PTPN14: variants seen among roughly 807,000 people sequenced by gnomAD.
PTPN14 encodes the protein tyrosine-protein phosphatase non-receptor type 14.
A neutral mutation model predicts 126.8 loss-of-function variants in PTPN14; 53 were observed. That is an observed-to-expected ratio of 0.42 (90% CI 0.34 to 0.53). The LOEUF is 0.53. PTPN14 is among the 20% of genes least tolerant of loss of function. The pLI, the probability that PTPN14 is intolerant of heterozygous loss-of-function variation, is 0.08. For missense variants in PTPN14, 1,257 were observed against 1,552.9 expected (o/e 0.81, Z 3.20); for synonymous variants, 630 against 599.3 (o/e 1.05, Z -0.75).
chr1:214,462,249 C>T (rs937035490), intron 2 of PTPN14, among the ~76,000 whole-genome samples: 53 of 152,166 alleles, frequency 3.5e-4, no homozygotes, highest in Non-Finnish European at 3.8e-4. Flanking sequence ...CTTGGCAATG[C>T]ACTGCTTTAT....
At chr1:214,460,081 G>A (rs1011692743) in intron 2 of PTPN14, among the ~76,000 whole-genome samples, 4 of 152,072 alleles carry the variant, frequency 2.6e-5, no homozygotes, top group Admixed American at 6.6e-5. Context: ...GGTTTGAACC[G>A]GCCTCACAAC....
At chr1:214,511,208 G>A (rs374234399) in intron 1 of PTPN14, among the ~76,000 whole-genome samples, 44 of 152,280 alleles carry the variant, frequency 2.9e-4, no homozygotes, top group African/African-American at 1.0e-3. Flanking sequence ...TCTGAAGTTA[G>A]GCTGAATGGA....
At chr1:214,494,775 T>TGAATGGAA (rs1176047205) in intron 1 of PTPN14, among the ~76,000 whole-genome samples, 1 of 152,094 alleles carries the variant, frequency 6.6e-6, no homozygotes, top group Non-Finnish European at 1.5e-5. Flanking sequence ...ACTACACTAC[T>TGAATGGAA]GAATGGAAGG....
chr1:214,383,842 G>T lies in PTPN14; in HGVS notation c.2013C>A (p.Leu671=), dbSNP rs761892420. ...CCTCCTCGGGCGGTCCCTGCTCCCGGAGCGTGTTGCGGCGAGCCATGGGGA... is the reference window on the plus strand; with the variant it reads ...CCTCCTCGGGCGGTCCCTGCTCCCGTAGCGTGTTGCGGCGAGCCATGGGGA... ...LHLPMARRNT[L]REQGPPEEGS... is the part of the protein sequence containing the mutation. The change falls in exon 13 of 19, where the codon CTC becomes CTA. Residue 671 remains leucine, a synonymous_variant. Coordinates refer to ENST00000366956, the MANE Select transcript of PTPN14 (RefSeq NM_005401.5). This position sits in a 1 kb window ranked among gnomAD's most constrained non-coding sequence, Gnocchi z 4.4. The T allele has an allele frequency of 3.1e-6, 5 of 1,612,478 alleles. No homozygotes were observed. The African/African-American group carries it at 4.0e-5, about 13-fold the overall frequency.
chr1:214,503,258 T>G (rs1334224725), intron 1 of PTPN14, among the ~76,000 whole-genome samples: 1 of 152,230 alleles, frequency 6.6e-6, no homozygotes, highest in African/African-American at 2.4e-5. Context: ...TCTTCAAAAC[T>G]AATATCTAAT....
chr1:214,483,440 C>T, intron 1 of PTPN14: 1 of 1,169,358 alleles, frequency 8.6e-7, no homozygotes, highest in Non-Finnish European at 1.3e-6. Flanking sequence ...GGAGCGGGCG[C>T]ACAAGCCTCG....
intron 18 of PTPN14, among the ~76,000 whole-genome samples, chr1:214,360,266 C>T (rs1657923790): frequency 6.6e-6 from 1 of 152,228 alleles, no homozygotes; most frequent in African/African-American, 2.4e-5. Flanking sequence ...TGCCATCAGT[C>T]ACTCTTGTTC....
At chr1:214,467,092 G>A (rs1030579876) in intron 1 of PTPN14, among the ~76,000 whole-genome samples, 1 of 152,100 alleles carries the variant, frequency 6.6e-6, no homozygotes, top group Non-Finnish European at 1.5e-5. Flanking sequence ...ATCACTTTAT[G>A]TTGGCAGAGT....
intron 3 of PTPN14, among the ~76,000 whole-genome samples, chr1:214,446,656 A>T (rs1454167808): frequency 6.6e-6 from 1 of 152,208 alleles, no homozygotes; most frequent in African/African-American, 2.4e-5. Flanking sequence ...TGGGGACAAC[A>T]AATTAAATAA....
At position 214,383,112 on chromosome 1, in the gene PTPN14, T is replaced by C. The variant is rs1658511532; in HGVS notation, c.2544+199A>G. Among the ~76,000 whole-genome samples, 1 of 152,234 alleles carries C rather than the reference T, an allele frequency of 6.6e-6. No homozygotes were observed. Among genetic ancestry groups the C allele is most frequent in the South Asian group, 2.1e-4 (1 of 4,832 alleles). On this transcript the variant is annotated intron_variant, in intron 13 of 18. Transcript: ENST00000366956. The surrounding 1 kb of genome is among the most constrained non-coding windows in gnomAD (Gnocchi z 4.4). Reference sequence around the variant, plus strand: ...CTCAATAACGTACCAAGTACACCTGTTAGAAGCCACAAATGAGAATGGAAG... The same window carrying C: ...CTCAATAACGTACCAAGTACACCTGCTAGAAGCCACAAATGAGAATGGAAG...
At chr1:214,468,548 C>T (rs1478115950) in intron 1 of PTPN14, among the ~76,000 whole-genome samples, 29 of 151,342 alleles carry the variant, frequency 1.9e-4, no homozygotes, top group Admixed American at 1.9e-3. Context: ...AGAGCAAAAA[C>T]TCTCAAAAAC....
At chr1:214,503,868 G>C (rs997153279) in intron 1 of PTPN14, among the ~76,000 whole-genome samples, 5 of 152,148 alleles carry the variant, frequency 3.3e-5, no homozygotes, top group Non-Finnish European at 5.9e-5. Context: ...ATTTATTTTA[G>C]ATCAAAGGTG....
chr1:214,533,011 A>G, intron 1 of PTPN14: 2 of 755,234 alleles, frequency 2.6e-6, no homozygotes, highest in Non-Finnish European at 4.8e-6. Flanking sequence ...TGAGGAGAGC[A>G]CCACAGTGGT....
chr1:214,470,025 TA>T (rs1660719489), intron 1 of PTPN14, among the ~76,000 whole-genome samples: 1 of 152,146 alleles, frequency 6.6e-6, no homozygotes, highest in African/African-American at 2.4e-5. Context: ...TTATAGAAAT[TA>T]AAGAAACTAT....
At chr1:214,404,642 A>T (rs1659119914) in intron 5 of PTPN14, among the ~76,000 whole-genome samples, 1 of 152,148 alleles carries the variant, frequency 6.6e-6, no homozygotes, top group African/African-American at 2.4e-5. Context: ...AACCGCCTCC[A>T]TCTGCACCTG....
chr1:214,399,368 G>C (rs973287547), intron 7 of PTPN14, among the ~76,000 whole-genome samples: 1 of 152,152 alleles, frequency 6.6e-6, no homozygotes, highest in Non-Finnish European at 1.5e-5. Context: ...CACATGTCCA[G>C]TTTAAGAGAC....
At chr1:214,478,255 T>C (rs556471708) in intron 1 of PTPN14, among the ~76,000 whole-genome samples, 4 of 152,342 alleles carry the variant, frequency 2.6e-5, no homozygotes, top group Non-Finnish European at 5.9e-5. Flanking sequence ...TTCAAGTACA[T>C]TTTGGCATAT....
At chr1:214,478,941 T>C (rs900901392) in intron 1 of PTPN14, among the ~76,000 whole-genome samples, 3 of 152,050 alleles carry the variant, frequency 2.0e-5, no homozygotes, top group African/African-American at 7.3e-5. Context: ...ACTCTCCCAT[T>C]ATCACATGGC....
chr1:214,376,051 C>T (rs1408764467), intron 15 of PTPN14, among the ~76,000 whole-genome samples, 168 bp downstream of exon 15: 3 of 152,146 alleles, frequency 2.0e-5, no homozygotes, highest in Non-Finnish European at 4.4e-5. Context: ...CAGTGATAGA[C>T]ATGCCCTTCC....
Sources: gnomAD v4.1 joint callset for allele counts (sites outside exome capture counted in the v4.1 genomes callset) on GRCh38, gnomAD v4.1.1 for gene constraint, Gnocchi (gnomAD v3.1) non-coding constraint, MANE v1.5 for transcripts, NCBI Gene and HGNC (gene_info 2026-07-23, HGNC 2026-07-21) for gene names.